CBFA2T3: variants seen among roughly 807,000 people sequenced by gnomAD.
CBFA2T3 encodes CBFA2/RUNX1 partner transcriptional co-repressor 3, also known as transcriptional corepressor CBFA2T3.
Under a neutral mutation model 58.6 loss-of-function variants are expected in CBFA2T3, and 31 were observed. The ratio of observed to expected loss-of-function variants is 0.53; its 90% CI spans 0.40 to 0.71. The LOEUF (loss-of-function observed/expected upper bound fraction) is 0.71. CBFA2T3 is among the 30% of genes least tolerant of loss of function. CBFA2T3 has a pLI of 0.00. For missense variants in CBFA2T3, 1,076 were observed against 963.1 expected (o/e 1.12, Z -1.55); for synonymous variants, 531 against 421.9 (o/e 1.26, Z -3.17).
rs1969648912 is a variant in CBFA2T3 at position 88,891,964 on chromosome 16, G to A, written c.629C>T (p.Thr210Ile). Residue 210 changes from threonine (T) to isoleucine (I), a missense_variant, in exon 5 of 12, where the codon ACA becomes ATA. Transcript: ENST00000268679. ...RTLVLGLVNSTLTIEEFHSKL... is the reference protein window; with the variant it reads ...RTLVLGLVNSILTIEEFHSKL... The stretch of plus-strand genomic sequence containing the variant: ...GGAATGAAACTCCTCGATCGTCAAT[G>A]TCGAGTTCTGCAGGGGAGAAAACCC... 1 of 1,612,534 alleles carries A rather than the reference G, an allele frequency of 6.2e-7. No individual in the cohort carries two copies. Among genetic ancestry groups the A allele is most frequent in the Admixed American group, 1.7e-5 (1 of 59,958 alleles).
intron 3 of CBFA2T3, among the ~76,000 whole-genome samples, chr16:88,894,851 A>T (rs1969823792): frequency 1.3e-5 from 2 of 152,216 alleles, no homozygotes; most frequent in African/African-American, 4.8e-5. Flanking sequence ...GAGGAGGGGA[A>T]AACCCTTTCT....
chr16:88,943,861 G>A (rs927274844), intron 1 of CBFA2T3, among the ~76,000 whole-genome samples: 1 of 152,166 alleles, frequency 6.6e-6, no homozygotes, highest in African/African-American at 2.4e-5. Flanking sequence ...AAAGATGTCT[G>A]CAGTCTGTCC....
chr16:88,876,373 C>T lies in CBFA2T3; in HGVS notation c.*603G>A. 1 of 229,848 alleles carries T rather than the reference C, an allele frequency of 4.4e-6. No individual in the cohort carries two copies. The highest frequency in any genetic ancestry group is 6.2e-5 in the East Asian group (1 of 16,180). 14.2% of individuals were successfully genotyped at this position (229,848 alleles called of 1,614,324 possible). On this transcript the variant is annotated 3_prime_UTR_variant, in exon 12 of 12. Coordinates refer to ENST00000268679, the MANE Select transcript of CBFA2T3 (RefSeq NM_005187.6). ...CCGTCTTCGCTGATCAGCCTCACGC[C>T]CCTGGGGGAGGGGCACAGCTGGGTT...
intron 1 of CBFA2T3, among the ~76,000 whole-genome samples, chr16:88,947,303 T>G (rs1344168649): frequency 6.6e-6 from 1 of 152,210 alleles, no homozygotes; most frequent in Non-Finnish European, 1.5e-5. Flanking sequence ...AATGAGGATA[T>G]CAATGACATT....
At position 88,892,403 on chromosome 16, in the gene CBFA2T3, G is replaced by A. The variant is rs1969673592; in HGVS notation, c.462C>T (p.Thr154=). ...TPNGFSNGPA[T]SSTASLSTQH... Reference sequence around the variant, plus strand: ...GTGTGGACAAGGAGGCTGTGGACGAGGTGGCCGGGCCATTGCTGAAGCCGT... The same window carrying A: ...GTGTGGACAAGGAGGCTGTGGACGAAGTGGCCGGGCCATTGCTGAAGCCGT... The change falls in exon 4 of 12, where the codon ACC becomes ACT. Residue 154 remains threonine (T), a synonymous_variant. Transcript: ENST00000268679. 2 of 1,613,620 alleles carry A rather than the reference G, an allele frequency of 1.2e-6. No homozygotes were observed. Among genetic ancestry groups the A allele is most frequent in the South Asian group, 1.1e-5 (1 of 91,090 alleles).
chr16:88,916,458 G>A (rs1970736405), intron 1 of CBFA2T3, among the ~76,000 whole-genome samples: 1 of 152,120 alleles, frequency 6.6e-6, no homozygotes, highest in South Asian at 2.1e-4. Context: ...GTGCACATGT[G>A]GGTGTATGTG....
chr16:88,963,320 C>T (rs113914539), intron 1 of CBFA2T3, among the ~76,000 whole-genome samples: 3,253 of 146,786 alleles, frequency 0.022, 148 homozygotes, highest in African/African-American at 0.077. Flanking sequence ...CAGGGGCGGG[C>T]GCTCATCTTC....
At chr16:88,911,743 C>G (rs1215244794) in intron 1 of CBFA2T3, among the ~76,000 whole-genome samples, 3 of 152,378 alleles carry the variant, frequency 2.0e-5, no homozygotes, top group African/African-American at 7.2e-5. Flanking sequence ...ATCTGTCCGG[C>G]CACAACGGCC....
intron 1 of CBFA2T3, among the ~76,000 whole-genome samples, chr16:88,971,678 C>G (rs1361322892): frequency 6.6e-6 from 1 of 152,242 alleles, no homozygotes; most frequent in Non-Finnish European, 1.5e-5. Context: ...CCACAGCTCC[C>G]AGCTGGAGTT....
rs1033495130 is a variant in CBFA2T3 at position 88,953,092 on chromosome 16, C to T, written c.151+23565G>A. ...ACGAGAAAAAACACAACCTGGTCTC[C>T]GTCTGCCGGTTAGATCGGCCCCCAG... On this transcript the variant is annotated intron_variant, in intron 1 of 11. Coordinates refer to ENST00000268679, the MANE Select transcript of CBFA2T3 (RefSeq NM_005187.6). The surrounding 1 kb of genome is among the most constrained non-coding windows in gnomAD (Gnocchi z 4.9). 3.3e-5 allele frequency among the ~76,000 whole-genome samples: 5 copies of T among 152,326 alleles called. No individual in the cohort carries two copies. Among genetic ancestry groups the T allele is most frequent in the Admixed American group, 1.3e-4 (2 of 15,304 alleles).
intron 1 of CBFA2T3, among the ~76,000 whole-genome samples, chr16:88,945,760 T>C (rs571563963): frequency 3.1e-4 from 47 of 152,366 alleles, no homozygotes; most frequent in African/African-American, 1.1e-3. Context: ...ACAGTTTGAC[T>C]GTTTCTTATG....
chr16:88,931,662 C>T (rs1397769260), intron 1 of CBFA2T3, among the ~76,000 whole-genome samples: 1 of 152,038 alleles, frequency 6.6e-6, no homozygotes, highest in Non-Finnish European at 1.5e-5. Context: ...GGGCTGGCCC[C>T]ATGGTGCAGA....
intron 1 of CBFA2T3, among the ~76,000 whole-genome samples, chr16:88,926,539 A>T (rs563960182): frequency 3.3e-5 from 5 of 152,294 alleles, no homozygotes; most frequent in African/African-American, 1.2e-4. Flanking sequence ...GCTGTGACAC[A>T]GAGGTTTGTC....
rs144954239 is a variant in CBFA2T3 at position 88,926,476 on chromosome 16, C to T, written c.152-24820G>A. Among the ~76,000 whole-genome samples, 675 of 152,332 alleles carry T rather than the reference C, an allele frequency of 4.4e-3. 5 individuals carry two copies. Among genetic ancestry groups the T allele is most frequent in the Middle Eastern group, 6.8e-3 (2 of 294 alleles). ...GTTTTCAGGGGTCGAGGCTGAGCGA[C>T]CTCTCTTTCTATCTCTCCTGCTCGG... On this transcript the variant is annotated intron_variant, in intron 1 of 11. Transcript: ENST00000268679.
rs766793137 is a variant in CBFA2T3 at position 88,882,711 on chromosome 16, G to A, written c.1168C>T (p.Arg390Cys). The change falls in exon 8 of 12, where the codon CGT (arginine) becomes TGT (cysteine). Residue 390 changes from arginine to cysteine, a missense_variant. Physicochemically the swap from Arg to Cys is radical, Grantham distance 180 (BLOSUM62 -3). Transcript: ENST00000268679. ...TGCTTCCACTCTTCTGCCCACTCACGCTCTGTGAGCTTGTGGTCGATCACT... is the reference window on the plus strand; with the variant it reads ...TGCTTCCACTCTTCTGCCCACTCACACTCTGTGAGCTTGTGGTCGATCACT... Reference protein sequence around the residue: ...EEVIDHKLTEREWAEEWKHLN... With the variant: ...EEVIDHKLTECEWAEEWKHLN... 28 of 1,590,548 alleles carry A rather than the reference G, an allele frequency of 1.8e-5. No individual in the cohort carries two copies. Among genetic ancestry groups the A allele is most frequent in the Non-Finnish European group, 1.7e-5 (20 of 1,168,904 alleles).
At chr16:88,884,341 T>TG (rs546713559) in intron 7 of CBFA2T3, 2 of 152,186 alleles carry the variant, frequency 1.3e-5, no homozygotes, top group South Asian at 2.1e-4. Context: ...CAGCCTGTCC[T>TG]GGGGGGGCTC....
At position 88,885,409 on chromosome 16, in the gene CBFA2T3, C is replaced by A; in HGVS notation, c.894-140G>T. On this transcript the variant is annotated intron_variant, in intron 6 of 11. Coordinates refer to ENST00000268679, the MANE Select transcript of CBFA2T3 (RefSeq NM_005187.6). The surrounding 1 kb of genome is among the most constrained non-coding windows in gnomAD (Gnocchi z 5.3). Reference sequence around the variant, plus strand: ...GGCGAGACAGAAACACGGAGCAAAACACCAGCCCCGGGAAGCCCAGCCCGG... The same window carrying A: ...GGCGAGACAGAAACACGGAGCAAAAAACCAGCCCCGGGAAGCCCAGCCCGG... 1.8e-6 allele frequency: 1 copy of A among 571,386 alleles called. No homozygotes were observed. Among genetic ancestry groups the A allele is most frequent in the South Asian group, 3.0e-5 (1 of 33,406 alleles). The allele number at this position is 571,386 out of a possible 1,614,324, so 35.4% of individuals were successfully genotyped here. A position where few individuals can be genotyped will look rare whatever the true frequency, so the allele number is the denominator to read the frequency against.
chr16:88,951,160 G>A (rs1287071463), intron 1 of CBFA2T3: 8 of 368,598 alleles, frequency 2.2e-5, no homozygotes, highest in East Asian at 7.8e-5. Flanking sequence ...GATCGGCACC[G>A]GCACAGAGGG....
At chr16:88,954,114 AC>A (rs1239237989) in intron 1 of CBFA2T3, among the ~76,000 whole-genome samples, 1 of 151,836 alleles carries the variant, frequency 6.6e-6, no homozygotes, top group Non-Finnish European at 1.5e-5. Flanking sequence ...TCCTCTGAAG[AC>A]CCCAAATCTC....
Sources: allele counts gnomAD v4.1 joint callset (sites outside exome capture counted in the v4.1 genomes callset), GRCh38; gene constraint gnomAD v4.1.1; non-coding constraint Gnocchi (gnomAD v3.1); transcripts MANE v1.5; gene names NCBI Gene and HGNC (gene_info 2026-07-23, HGNC 2026-07-21).